The following PTBP3 variants were observed in gnomAD, a reference collection of about 807,000 sequenced individuals.
PTBP3 encodes the protein polypyrimidine tract binding protein 3.
A neutral mutation model predicts 58.7 loss-of-function variants in PTBP3; 20 were observed. The ratio of observed to expected loss-of-function variants is 0.34; its 90% CI spans 0.24 to 0.50. PTBP3 has a LOEUF of 0.50. PTBP3 is among the 20% of genes least tolerant of loss of function. The pLI, the probability that PTBP3 is intolerant of heterozygous loss-of-function variation, is 0.98. For missense variants in PTBP3, 509 were observed against 637.2 expected (o/e 0.80, Z 2.17); for synonymous variants, 185 against 219.8 (o/e 0.84, Z 1.40).
chr9:112,307,447 G>A (rs977034835), intron 1 of PTBP3, among the ~76,000 whole-genome samples: 4 of 152,042 alleles, frequency 2.6e-5, no homozygotes, highest in African/African-American at 9.7e-5. Context: ...GGGAGACCCT[G>A]TCCCAAAATA....
chr9:112,355,895 G>A, the PTBP3 span, among the ~76,000 whole-genome samples: 4 of 152,028 alleles, frequency 2.6e-5, no homozygotes, highest in Non-Finnish European at 5.9e-5. Context: ...GGGAATACAG[G>A]CAGGAGCCAC....
the PTBP3 span, among the ~76,000 whole-genome samples, chr9:112,375,393 G>A: frequency 1.3e-5 from 2 of 152,172 alleles, no homozygotes; most frequent in South Asian, 4.1e-4. Flanking sequence ...TGGAAGTTCT[G>A]CCCACTGGGA....
rs1041050831 is a variant in PTBP3, at chr9:112,333,579, G to A, written c.-161C>T. On this transcript the variant is annotated 5_prime_UTR_variant, in exon 1 of 14. Transcript: ENST00000374257. ...GCGGTTCCGGGGACAAGCGAGCTTT[G>A]GCTCTGCGGAGCCCCGGCCGGTCCG... 1.4e-5 allele frequency: 20 copies of A among 1,422,188 alleles called. No homozygotes were observed. Among genetic ancestry groups the A allele is most frequent in the African/African-American group, 1.5e-5 (1 of 67,734 alleles). The allele number at this position is 1,422,188 out of a possible 1,614,324, so 88.1% of individuals were successfully genotyped here.
chr9:112,330,512 A>G, intron 1 of PTBP3: 1 of 1,411,530 alleles, frequency 7.1e-7, no homozygotes, highest in Non-Finnish European at 9.8e-7. Context: ...TGGAAAACAA[A>G]GTTAGAGAAC....
chr9:112,244,068 G>A lies in PTBP3; in HGVS notation c.802+6861C>T, dbSNP rs566326713. 1.2e-3 allele frequency among the ~76,000 whole-genome samples: 177 copies of A among 151,894 alleles called. 1 individual carries two copies. Among genetic ancestry groups the A allele is most frequent in the Non-Finnish European group, 1.8e-3 (123 of 67,948 alleles). ...TGTAATCCCAACACTTTGGGAGGCCGAGACAGGTGGATCACGAGGTCAGGA... is the reference window on the plus strand; with the variant it reads ...TGTAATCCCAACACTTTGGGAGGCCAAGACAGGTGGATCACGAGGTCAGGA... On this transcript the variant is annotated intron_variant, in intron 7 of 13. Transcript: ENST00000374257.
In PTBP3 at chr9:112,320,314, A is replaced by ATATATATATATATATTT; in HGVS notation, c.-52+13155_-52+13156insAAATATATATATATATA. On this transcript the variant is annotated intron_variant, in intron 1 of 13. Transcript: ENST00000374257. ...AAAATATATATATATATATATATAT[A>ATATATATATATATATTT]TTTTTTTTTAAGTGTTATCACCAGA... 9.1e-3 allele frequency among the ~76,000 whole-genome samples: 686 copies of ATATATATATATATATTT among 75,474 alleles called. 7 individuals are homozygous for ATATATATATATATATTT. Among genetic ancestry groups the ATATATATATATATATTT allele is most frequent in the Admixed American group, 0.012 (70 of 6,034 alleles). The allele number at this position is 75,474 out of a possible 152,430, so 49.5% of individuals were successfully genotyped here.
intron 1 of PTBP3, among the ~76,000 whole-genome samples, chr9:112,324,103 T>C (rs1441993669): frequency 6.7e-6 from 1 of 148,520 alleles, no homozygotes; most frequent in African/African-American, 2.5e-5. Flanking sequence ...AAAAAGAAAG[T>C]GAAGTGAAAT....
Position 112,253,773 on chromosome 9 carries a change from C to A in PTBP3, c.517-985G>T, listed in dbSNP as rs561738291. On this transcript the variant is annotated intron_variant, in intron 5 of 13. Coordinates refer to ENST00000374257, the MANE Select transcript of PTBP3 (RefSeq NM_001163788.4). ...TCCCCTGCGCACTCTCTCTCTCCTGCCACCATGTGAAGAAGGTCCTGGCTT... is the reference window on the plus strand; with the variant it reads ...TCCCCTGCGCACTCTCTCTCTCCTGACACCATGTGAAGAAGGTCCTGGCTT... 9.9e-5 allele frequency among the ~76,000 whole-genome samples: 15 copies of A among 152,240 alleles called. No homozygotes were observed. In the South Asian group the frequency reaches 3.1e-3, roughly 32 times the overall value.
chr9:112,342,039 G>A, the PTBP3 span, among the ~76,000 whole-genome samples: 1 of 152,156 alleles, frequency 6.6e-6, no homozygotes, highest in South Asian at 2.1e-4. Context: ...CACCCAATGT[G>A]GGCAGGCATC....
At chr9:112,375,942 G>C in the PTBP3 span, among the ~76,000 whole-genome samples, 2 of 151,986 alleles carry the variant, frequency 1.3e-5, no homozygotes, top group African/African-American at 4.8e-5. Flanking sequence ...AAATCCTAGA[G>C]GCCTCCACTG....
At chr9:112,308,725 G>C (rs1441341815) in intron 1 of PTBP3, among the ~76,000 whole-genome samples, 1 of 152,114 alleles carries the variant, frequency 6.6e-6, no homozygotes, top group Non-Finnish European at 1.5e-5. Flanking sequence ...AGACATAGGG[G>C]AGTGGCGGGG....
intron 1 of PTBP3, among the ~76,000 whole-genome samples, chr9:112,324,510 C>T (rs1169680615): frequency 6.6e-6 from 1 of 152,134 alleles, no homozygotes; most frequent in Admixed American, 6.5e-5. Flanking sequence ...ATTAGCCAGG[C>T]ATGGTGCTGC....
chr9:112,337,687 G>A (rs1471991799), upstream of PTBP3, among the ~76,000 whole-genome samples: 1 of 152,304 alleles, frequency 6.6e-6, no homozygotes, highest in East Asian at 1.9e-4. Flanking sequence ...TTTCTCTTGT[G>A]TTTTTGTTCT....
the PTBP3 span, among the ~76,000 whole-genome samples, chr9:112,339,967 A>T: frequency 6.6e-6 from 1 of 151,710 alleles, no homozygotes; most frequent in Non-Finnish European, 1.5e-5. Flanking sequence ...TTTATTTTTT[A>T]TTTATTTATT....
At chr9:112,321,645 C>A (rs965788481) in intron 1 of PTBP3, among the ~76,000 whole-genome samples, 1 of 152,118 alleles carries the variant, frequency 6.6e-6, no homozygotes, top group Non-Finnish European at 1.5e-5. Context: ...AATCTGAAGA[C>A]TGCCGAATCC....
At chr9:112,250,646 G>A (rs1209533197) in intron 7 of PTBP3, among the ~76,000 whole-genome samples, 36 of 152,074 alleles carry the variant, frequency 2.4e-4, no homozygotes. Flanking sequence ...ATGTTAATAA[G>A]ACTACTAATT....
Position 112,218,926 on chromosome 9 carries a change from CCAGA to C in PTBP3, c.*4921_*4924del, listed in dbSNP as rs926826660. On this transcript the variant is annotated 3_prime_UTR_variant, in exon 14 of 14. Transcript: ENST00000374257. ...TTTGATGAACAGACCACGTAAAACACCAGACAATGTCAGAGGCTCCTAGCTGTGC... is the reference window on the plus strand; with the variant it reads ...TTTGATGAACAGACCACGTAAAACACCAATGTCAGAGGCTCCTAGCTGTGC... 2 of 152,244 alleles carry C rather than the reference CCAGA, an allele frequency of 1.3e-5. No individual in the cohort carries two copies. The highest frequency in any genetic ancestry group is 4.8e-5 in the African/African-American group (2 of 41,406). 9.4% of individuals were successfully genotyped at this position (152,244 alleles called of 1,614,324 possible).
chr9:112,319,366 C>T (rs1204106025), intron 1 of PTBP3, among the ~76,000 whole-genome samples: 1 of 151,900 alleles, frequency 6.6e-6, no homozygotes, highest in African/African-American at 2.4e-5. Context: ...AGAGAAACTG[C>T]GACTTTACAA....
At chr9:112,353,048 C>G in the PTBP3 span, among the ~76,000 whole-genome samples, 1 of 151,994 alleles carries the variant, frequency 6.6e-6, no homozygotes. Flanking sequence ...TTACAGGTGC[C>G]TGCCACCACG....
Sources: allele counts gnomAD v4.1 joint callset (sites outside exome capture counted in the v4.1 genomes callset), GRCh38; gene constraint gnomAD v4.1.1; transcripts MANE v1.5; gene names NCBI Gene and HGNC (gene_info 2026-07-23, HGNC 2026-07-21).